FBLN1: variants seen among roughly 807,000 people sequenced by gnomAD.
FBLN1 encodes the protein fibulin-1.
In FBLN1, 34 loss-of-function variants were observed where a neutral mutation model predicts 89.7. That is an observed-to-expected ratio of 0.38 (90% CI 0.29 to 0.50). FBLN1 has a LOEUF of 0.50. FBLN1 is among the 20% of genes least tolerant of loss of function. The pLI is 0.92. For synonymous variants in FBLN1, 393 were observed against 391.3 expected (o/e 1.00, Z -0.05); for missense variants, 777 against 988.1 (o/e 0.79, Z 2.86).
intron 1 of FBLN1, among the ~76,000 whole-genome samples, chr22:45,510,620 A>G (rs1344787371): frequency 6.6e-6 from 1 of 152,130 alleles, no homozygotes; most frequent in Non-Finnish European, 1.5e-5. Flanking sequence ...TGCGATGTTT[A>G]CAGCTAGCAG....
At chr22:45,552,795 G>C (rs961817280) in intron 14 of FBLN1, among the ~76,000 whole-genome samples, 1 of 152,184 alleles carries the variant, frequency 6.6e-6, no homozygotes, top group Non-Finnish European at 1.5e-5. Flanking sequence ...CACAGGGCTC[G>C]GCCTTGTGGA....
In FBLN1 at chr22:45,562,852, T is replaced by C; in HGVS notation, c.1698-11659T>C. 1.9e-6 allele frequency: 3 copies of C among 1,549,354 alleles called. No individual in the cohort carries two copies. ...CCCCGCATCCCCGCGCTCTGCCGTT[T>C]CTCCGCTTGCTGGACCGGCCCTAAC... On this transcript the variant is annotated intron_variant, in intron 14 of 16. Coordinates refer to ENST00000327858, the MANE Select transcript of FBLN1 (RefSeq NM_006486.3). The surrounding 1 kb of genome is among the most constrained non-coding windows in gnomAD (Gnocchi z 7.8).
chr22:45,517,719 A>G (rs971522710), intron 1 of FBLN1: 4 of 439,102 alleles, frequency 9.1e-6, no homozygotes, highest in East Asian at 7.4e-5. Flanking sequence ...GGCAGAAACC[A>G]TCACCAGCCT....
chr22:45,589,565 G>C (rs754253893), intron 16 of FBLN1, among the ~76,000 whole-genome samples: 1 of 152,216 alleles, frequency 6.6e-6, no homozygotes, highest in African/African-American at 2.4e-5. Flanking sequence ...CCCTGCAGCA[G>C]GGGGCCCCTT....
At chr22:45,554,146 C>G (rs117416182) in intron 14 of FBLN1, among the ~76,000 whole-genome samples, 1 of 152,204 alleles carries the variant, frequency 6.6e-6, no homozygotes, top group African/African-American at 2.4e-5. Flanking sequence ...GCCAGTAGAG[C>G]GGGAGGACGA....
At chr22:45,592,859 C>T (rs2089151034) in intron 16 of FBLN1, among the ~76,000 whole-genome samples, 1 of 152,218 alleles carries the variant, frequency 6.6e-6, no homozygotes, top group Non-Finnish European at 1.5e-5. Context: ...CCTTTCTGCT[C>T]ATGGCTGGCC....
chr22:45,576,907 TG>T lies in FBLN1; in HGVS notation c.1841-66del. 1 of 1,598,708 alleles carries T rather than the reference TG, an allele frequency of 6.3e-7. No homozygotes were observed. ...TCTTCATTCCCCAAGGGTGAGTTCC[TG>T]GGGACGAGGCTGGGACTGGGGCTGG... On this transcript the variant is annotated intron_variant, in intron 15 of 16. Transcript: ENST00000327858. The surrounding 1 kb of genome is among the most constrained non-coding windows in gnomAD (Gnocchi z 5.2).
intron 14 of FBLN1, chr22:45,565,045 C>T (rs1262081375): frequency 3.1e-6 from 5 of 1,609,944 alleles, no homozygotes; most frequent in South Asian, 1.1e-5. Context: ...CGCTGAGCAG[C>T]TGTGATTGTG....
intron 16 of FBLN1, among the ~76,000 whole-genome samples, chr22:45,587,527 G>C (rs1287835628): frequency 1.3e-5 from 2 of 152,214 alleles, no homozygotes; most frequent in East Asian, 3.9e-4. Context: ...TAGGGAATCT[G>C]TGCTTGTCTG....
rs1315062796 is a variant in FBLN1, at chr22:45,537,861, G to A, written c.922+2524G>A. Among the ~76,000 whole-genome samples the A allele has an allele frequency of 1.3e-5, 2 of 152,186 alleles. No homozygotes were observed. The highest frequency in any genetic ancestry group is 2.4e-5 in the African/African-American group (1 of 41,444). Reference sequence around the variant, plus strand: ...GAGCAGGGAAGCCATGGGCTCTCCGGGACCAGCGGGGAGGATAGTCCTGCT... The same window carrying A: ...GAGCAGGGAAGCCATGGGCTCTCCGAGACCAGCGGGGAGGATAGTCCTGCT... On this transcript the variant is annotated intron_variant, in intron 8 of 16. Coordinates refer to ENST00000327858, the MANE Select transcript of FBLN1 (RefSeq NM_006486.3). This position sits in a 1 kb window ranked among gnomAD's most constrained non-coding sequence, Gnocchi z 5.7.
rs544506768 is a variant in FBLN1 at position 45,504,455 on chromosome 22, C to G, written c.79+1391C>G. ...GAGATGGAGCTTGATGTAAGGGGAG[C>G]GCGGGAAGAGGGCATTCCAGCAAGC... On this transcript the variant is annotated intron_variant, in intron 1 of 16. Coordinates refer to ENST00000327858, the MANE Select transcript of FBLN1 (RefSeq NM_006486.3). Among the ~76,000 whole-genome samples the G allele has an allele frequency of 5.1e-4, 78 of 151,920 alleles. 1 individual carries two copies. The highest frequency in any genetic ancestry group is 2.6e-4 in the Non-Finnish European group (18 of 67,990).
rs904491183 is a variant in FBLN1 at position 45,579,284 on chromosome 22, A to G, written c.1972+2176A>G. ...AGAGACCATCCCTTCCTTCTTCCGTAGGAGGGGAAACTGAGGCCCGGAAGG... is the reference window on the plus strand; with the variant it reads ...AGAGACCATCCCTTCCTTCTTCCGTGGGAGGGGAAACTGAGGCCCGGAAGG... On this transcript the variant is annotated intron_variant, in intron 16 of 16. Transcript: ENST00000327858. This position sits in a 1 kb window ranked among gnomAD's most constrained non-coding sequence, Gnocchi z 5.5. Among the ~76,000 whole-genome samples, 2 of 152,256 alleles carry G rather than the reference A, an allele frequency of 1.3e-5. No individual in the cohort carries two copies. The highest frequency in any genetic ancestry group is 2.9e-5 in the Non-Finnish European group (2 of 68,034).
In FBLN1 at chr22:45,576,823, C is replaced by T. The variant is rs1489659298; in HGVS notation, c.1841-154C>T. Among the ~76,000 whole-genome samples, 1 of 152,032 alleles carries T rather than the reference C, an allele frequency of 6.6e-6. No individual in the cohort carries two copies. The highest frequency in any genetic ancestry group is 1.5e-5 in the Non-Finnish European group (1 of 67,998). On this transcript the variant is annotated intron_variant, in intron 15 of 16. Transcript: ENST00000327858. The surrounding 1 kb of genome is among the most constrained non-coding windows in gnomAD (Gnocchi z 5.2). ...GGAAGGTCCAGACCCCTCCACCCTC[C>T]CCACACAGGGGATCTCTGGCTTCAT...
chr22:45,544,733 G>T (rs985032904), intron 11 of FBLN1, among the ~76,000 whole-genome samples: 1 of 152,152 alleles, frequency 6.6e-6, no homozygotes, highest in African/African-American at 2.4e-5. Flanking sequence ...GCTGAAGTTG[G>T]GTCAGGTCTC....
At chr22:45,554,916 C>A (rs961129345) in intron 14 of FBLN1, among the ~76,000 whole-genome samples, 16 of 152,202 alleles carry the variant, frequency 1.1e-4, no homozygotes, top group Non-Finnish European at 2.4e-4. Context: ...TCCATCCTGT[C>A]ACAGGAGGTT....
In FBLN1 at chr22:45,578,530, C is replaced by T. The variant is rs1372416974; in HGVS notation, c.1972+1422C>T. 6.6e-6 allele frequency: 1 copy of T among 152,228 alleles called. No homozygotes were observed. The highest frequency in any genetic ancestry group is 2.4e-5 in the African/African-American group (1 of 41,450). 9.4% of individuals were successfully genotyped at this position (152,228 alleles called of 1,614,324 possible). On this transcript the variant is annotated intron_variant, in intron 16 of 16. Transcript: ENST00000327858. This position sits in a 1 kb window ranked among gnomAD's most constrained non-coding sequence, Gnocchi z 4.6. ...TTGAGTCACTCCCCACTCTGGGCCTCAGTTTCCCCCATTGTGAAATGAGAG... is the reference window on the plus strand; with the variant it reads ...TTGAGTCACTCCCCACTCTGGGCCTTAGTTTCCCCCATTGTGAAATGAGAG...
intron 16 of FBLN1, among the ~76,000 whole-genome samples, chr22:45,585,190 C>T (rs1601539591): frequency 6.6e-6 from 1 of 152,298 alleles, no homozygotes; most frequent in Non-Finnish European, 1.5e-5. Flanking sequence ...CTAGGCAGCA[C>T]CATCCACCGG....
At chr22:45,594,200 C>T (rs771440895) in intron 16 of FBLN1, among the ~76,000 whole-genome samples, 128 of 152,288 alleles carry the variant, frequency 8.4e-4, no homozygotes, top group South Asian at 2.1e-3. Flanking sequence ...GCTACTTCTT[C>T]CTCCTTCCCT....
intron 1 of FBLN1, among the ~76,000 whole-genome samples, chr22:45,514,984 A>G (rs1307659287): frequency 6.6e-6 from 1 of 152,148 alleles, no homozygotes; most frequent in Non-Finnish European, 1.5e-5. Flanking sequence ...GGGAGCAGGG[A>G]CACCTTAACA....
Sources: gnomAD v4.1 joint callset for allele counts (sites outside exome capture counted in the v4.1 genomes callset) on GRCh38, gnomAD v4.1.1 for gene constraint, Gnocchi (gnomAD v3.1) non-coding constraint, MANE v1.5 for transcripts, NCBI Gene and HGNC (gene_info 2026-07-23, HGNC 2026-07-21) for gene names.